Variants in DCAF10 observed in about 807,000 individuals in gnomAD.
DCAF10 encodes the protein DDB1- and CUL4-associated factor 10.
Under a neutral mutation model 51.9 loss-of-function variants are expected in DCAF10, and 19 were observed. That is an observed-to-expected ratio of 0.37 (90% CI 0.26 to 0.54). DCAF10 has a LOEUF of 0.54. DCAF10 is among the 20% of genes least tolerant of loss of function. The pLI is 0.87. For missense variants in DCAF10, 510 were observed against 730.6 expected, an observed-to-expected ratio of 0.70 and a Z score of 3.48; for synonymous variants, 291 against 297.1, an observed-to-expected ratio of 0.98 and a Z score of 0.21.
At chr9:37,804,426 C>A (rs539317811) in intron 1 of DCAF10, among the ~76,000 whole-genome samples, 1 of 152,064 alleles carries the variant, frequency 6.6e-6, no homozygotes, top group African/African-American at 2.4e-5. Flanking sequence ...AGCAAGAATT[C>A]TTTCTAGACA....
intron 3 of DCAF10, among the ~76,000 whole-genome samples, chr9:37,846,958 A>C (rs1157729597): frequency 6.6e-6 from 1 of 152,126 alleles, no homozygotes; most frequent in Non-Finnish European, 1.5e-5. Context: ...ACACCATAAG[A>C]ATAGAAACTA....
In DCAF10 at chr9:37,814,080, C is replaced by CTATATATATATA. The variant is rs58660288; in HGVS notation, c.540-5172_540-5161dup. On this transcript the variant is annotated intron_variant, in intron 1 of 6. Transcript: ENST00000377724. ...TGAACCACTTTGAAACTATTTGTCA[C>CTATATATATATA]TATATATATATATATATATATATAT... is the stretch of plus-strand genomic sequence containing the variant. Among the ~76,000 whole-genome samples the CTATATATATATA allele has an allele frequency of 1.4e-3, 66 of 47,088 alleles. 1 individual carries two copies. The highest frequency in any genetic ancestry group is 1.9e-3 in the Non-Finnish European group (47 of 25,166). The allele number at this position is 47,088 out of a possible 152,430, so 30.9% of individuals were successfully genotyped here. A position where few individuals can be genotyped will look rare whatever the true frequency, so the allele number is the denominator to read the frequency against.
At chr9:37,836,050 C>T (rs544740149) in intron 2 of DCAF10, 9 of 1,106,980 alleles carry the variant, frequency 8.1e-6, no homozygotes, top group East Asian at 4.7e-5. Flanking sequence ...CACGGTAAGG[C>T]TGTATTGGAC....
In DCAF10 at chr9:37,864,180, G is replaced by A. The variant is rs1033188795; in HGVS notation, c.*2672G>A. The A allele has an allele frequency of 6.6e-6, 1 of 152,342 alleles. No individual in the cohort carries two copies. The highest frequency in any genetic ancestry group is 1.5e-5 in the Non-Finnish European group (1 of 68,192). 9.4% of individuals were successfully genotyped at this position (152,342 alleles called of 1,614,324 possible). On this transcript the variant is annotated 3_prime_UTR_variant, in exon 7 of 7. Transcript: ENST00000377724. ...ACACGCCTGTAGTCCTAGCTACTCA[G>A]GAGGCTGAGGTGGGAGGATGGTTTG... is the stretch of plus-strand genomic sequence containing the variant.
At position 37,862,127 on chromosome 9, in the gene DCAF10, A is replaced by T. The variant is rs41278313; in HGVS notation, c.*619A>T. The T allele has an allele frequency of 0.13, 19,570 of 152,644 alleles. 1,420 individuals carry two copies. The highest frequency in any genetic ancestry group is 0.16 in the Non-Finnish European group (11,004 of 68,008). 9.5% of individuals were successfully genotyped at this position (152,644 alleles called of 1,614,324 possible). ...AATGTCTTTTAAGTTTCCTGTTAAA[A>T]TTATAAAAAGATTTTCATGGTGAGA... On this transcript the variant is annotated 3_prime_UTR_variant, in exon 7 of 7. Coordinates refer to ENST00000377724, the MANE Select transcript of DCAF10 (RefSeq NM_024345.5).
intron 2 of DCAF10, among the ~76,000 whole-genome samples, chr9:37,835,289 T>A (rs1382571545): frequency 1.3e-5 from 2 of 151,694 alleles, no homozygotes; most frequent in South Asian, 4.2e-4. Context: ...GTAAAAAAAA[T>A]TAGCTGGGGC....
intron 2 of DCAF10, among the ~76,000 whole-genome samples, chr9:37,838,438 TAAA>T (rs77435703): frequency 6.6e-6 from 1 of 151,878 alleles, no homozygotes; most frequent in Non-Finnish European, 1.5e-5. Context: ...AAACTTACAT[TAAA>T]AAAATCTCAT....
In DCAF10 at chr9:37,854,981, A is replaced by G; in HGVS notation, c.1053A>G (p.Ser351=). Residue 351 remains serine, a splice_region_variant and synonymous_variant, in exon 4 of 7, where the codon TCA becomes TCG. Transcript: ENST00000377724. ...GAGCAAGAAGAACTACTTCAAGTTCAGGTAAGCTTTTCTTTTTTGGTCAAA... is the reference window on the plus strand; with the variant it reads ...GAGCAAGAAGAACTACTTCAAGTTCGGGTAAGCTTTTCTTTTTTGGTCAAA... The part of the protein sequence containing the change: ...ILRARRTTSS[S]DLTTSSSSSG... 5 of 1,595,610 alleles carry G rather than the reference A, an allele frequency of 3.1e-6. No individual in the cohort carries two copies. Among genetic ancestry groups the G allele is most frequent in the Non-Finnish European group, 4.3e-6 (5 of 1,174,564 alleles).
At chr9:37,805,098 G>T (rs1829071957) in intron 1 of DCAF10, among the ~76,000 whole-genome samples, 2 of 152,200 alleles carry the variant, frequency 1.3e-5, no homozygotes, top group Non-Finnish European at 2.9e-5. Flanking sequence ...AGAACAAAAA[G>T]TGTTAAATAT....
chr9:37,844,821 G>A (rs560152935), intron 3 of DCAF10, among the ~76,000 whole-genome samples: 30 of 145,762 alleles, frequency 2.1e-4, no homozygotes, highest in African/African-American at 7.9e-4. Flanking sequence ...TCTCAAAAAA[G>A]AAAAATAACA....
Position 37,862,956 on chromosome 9 carries a change from A to C in DCAF10, c.*1448A>C, listed in dbSNP as rs2118216155. The C allele has an allele frequency of 6.6e-6, 1 of 152,324 alleles. No homozygotes were observed. Among genetic ancestry groups the C allele is most frequent in the South Asian group, 2.1e-4 (1 of 4,824 alleles). 9.4% of individuals were successfully genotyped at this position (152,324 alleles called of 1,614,324 possible). A position where few individuals can be genotyped will look rare whatever the true frequency, so the allele number is the denominator to read the frequency against. Reference sequence around the variant, plus strand: ...GGGAGGACAGGAATCTGTATTTTTCATAGCAACCTCAAGTAATCTTTATTC... The same window carrying C: ...GGGAGGACAGGAATCTGTATTTTTCCTAGCAACCTCAAGTAATCTTTATTC... On this transcript the variant is annotated 3_prime_UTR_variant, in exon 7 of 7. Coordinates refer to ENST00000377724, the MANE Select transcript of DCAF10 (RefSeq NM_024345.5).
intron 2 of DCAF10, among the ~76,000 whole-genome samples, chr9:37,819,763 T>G (rs1829649233): frequency 6.6e-6 from 1 of 152,230 alleles, no homozygotes; most frequent in Non-Finnish European, 1.5e-5. Context: ...ACTTCCACCC[T>G]ACCACTCTCT....
rs564582360 is a variant in DCAF10 at position 37,857,131 on chromosome 9, G to A, written c.1055-110G>A. 388 of 772,264 alleles carry A rather than the reference G, an allele frequency of 5.0e-4. No individual in the cohort carries two copies. The African/African-American group carries it at 6.0e-3, about 12-fold the overall frequency. The allele number at this position is 772,264 out of a possible 1,614,324, so 47.8% of individuals were successfully genotyped here. On this transcript the variant is annotated intron_variant, in intron 4 of 6. Transcript: ENST00000377724. Reference sequence around the variant, plus strand: ...TCAGTCTTATAGGCCAGTGATATATGAGCATTTTTTCAAAATTTTAAAACT... The same window carrying A: ...TCAGTCTTATAGGCCAGTGATATATAAGCATTTTTTCAAAATTTTAAAACT...
At chr9:37,822,414 TATATA>T (rs1829732019) in intron 2 of DCAF10, among the ~76,000 whole-genome samples, 1 of 41,262 alleles carries the variant, frequency 2.4e-5, no homozygotes, top group Non-Finnish European at 4.7e-5. Context: ...GATATATATA[TATATA>T]TATATATATA....
chr9:37,829,471 C>CA lies in DCAF10; in HGVS notation c.653+10076dup, dbSNP rs1300384871. Among the ~76,000 whole-genome samples the CA allele has an allele frequency of 6.6e-6, 1 of 151,728 alleles. No homozygotes were observed. The highest frequency in any genetic ancestry group is 2.4e-5 in the African/African-American group (1 of 41,336). On this transcript the variant is annotated intron_variant, in intron 2 of 6. Transcript: ENST00000377724. This position sits in a 1 kb window ranked among gnomAD's most constrained non-coding sequence, Gnocchi z 4.2. The stretch of plus-strand genomic sequence containing the variant: ...AATTAATAAATAAAATAAAATAAAA[C>CA]AAAAAACTACAATGAAGAATAACTA...
At chr9:37,808,158 G>C (rs1200897561) in intron 1 of DCAF10, among the ~76,000 whole-genome samples, 1 of 151,926 alleles carries the variant, frequency 6.6e-6, no homozygotes, top group African/African-American at 2.4e-5. Flanking sequence ...TAACTAGCTG[G>C]CATGGTGGTT....
intron 2 of DCAF10, among the ~76,000 whole-genome samples, chr9:37,836,687 G>A (rs1265267604): frequency 6.6e-6 from 1 of 152,056 alleles, no homozygotes; most frequent in Non-Finnish European, 1.5e-5. Flanking sequence ...TTATGCTACT[G>A]GTGTTCAATT....
At chr9:37,802,074 GA>G (rs1440685020) in intron 1 of DCAF10, among the ~76,000 whole-genome samples, 1 of 152,088 alleles carries the variant, frequency 6.6e-6, no homozygotes, top group Non-Finnish European at 1.5e-5. Flanking sequence ...GCCATCAAAA[GA>G]AAAAATGTGC....
Position 37,861,547 on chromosome 9 carries a change from G to T in DCAF10, c.*39G>T. The T allele has an allele frequency of 1.3e-6, 2 of 1,558,334 alleles. No homozygotes were observed. The highest frequency in any genetic ancestry group is 2.4e-5 in the South Asian group (2 of 83,448). On this transcript the variant is annotated 3_prime_UTR_variant, in exon 7 of 7. Transcript: ENST00000377724. This position sits in a 1 kb window ranked among gnomAD's most constrained non-coding sequence, Gnocchi z 4.9. Reference sequence around the variant, plus strand: ...CAAATAAGGAACTCTTCTGGTGTTTGACTTAGGAATTGCTTCAATTTAGAT... The same window carrying T: ...CAAATAAGGAACTCTTCTGGTGTTTTACTTAGGAATTGCTTCAATTTAGAT...
Sources: allele counts gnomAD v4.1 joint callset (sites outside exome capture counted in the v4.1 genomes callset), GRCh38; gene constraint gnomAD v4.1.1; non-coding constraint Gnocchi (gnomAD v3.1); transcripts MANE v1.5; gene names NCBI Gene and HGNC (gene_info 2026-07-23, HGNC 2026-07-21).